The following TIAM1 variants were observed in gnomAD, a reference collection of about 807,000 sequenced individuals.
The protein encoded by TIAM1 is rho guanine nucleotide exchange factor TIAM1.
In TIAM1, 65 loss-of-function variants were observed where a neutral mutation model predicts 163.5. The observed-to-expected ratio is 0.40, with a 90% confidence interval of 0.33 to 0.49. The LOEUF is 0.49. Ranked by LOEUF, TIAM1 falls within the 20% of genes least tolerant of loss-of-function variation. The pLI, the probability that TIAM1 is intolerant of heterozygous loss-of-function variation, is 0.77. For synonymous variants in TIAM1, 833 were observed against 810.1 expected (o/e 1.03, Z -0.48); for missense variants, 1,789 against 2,044.7 (o/e 0.87, Z 2.41).
intron 2 of TIAM1, among the ~76,000 whole-genome samples, chr21:31,303,810 T>C (rs1451010095): frequency 6.6e-6 from 1 of 151,968 alleles, no homozygotes; most frequent in Non-Finnish European, 1.5e-5. Flanking sequence ...AAACCTTGTC[T>C]CTACTAAAAA....
intron 2 of TIAM1, among the ~76,000 whole-genome samples, chr21:31,305,426 A>T (rs1437101759): frequency 2.0e-5 from 3 of 152,094 alleles, no homozygotes; most frequent in Admixed American, 1.3e-4. Flanking sequence ...TAAAAATAAA[A>T]AAAAAAAAAA....
chr21:31,280,747 C>T (rs1048885940), intron 2 of TIAM1, among the ~76,000 whole-genome samples: 55 of 149,544 alleles, frequency 3.7e-4, no homozygotes, highest in Non-Finnish European at 2.8e-4. Flanking sequence ...GCATTTAATC[C>T]TTGGCTTTTC....
At chr21:31,429,453 A>G (rs1388012603) in intron 2 of TIAM1, among the ~76,000 whole-genome samples, 2 of 152,218 alleles carry the variant, frequency 1.3e-5, no homozygotes, top group African/African-American at 4.8e-5. Context: ...GAAAAAAAAG[A>G]CATCCACTGC....
At chr21:31,122,064 G>C (rs187725241) in intron 27 of TIAM1, among the ~76,000 whole-genome samples, 1 of 152,206 alleles carries the variant, frequency 6.6e-6, no homozygotes, top group Non-Finnish European at 1.5e-5. Flanking sequence ...CCTTGACTTC[G>C]AACCCAGCAG....
intron 2 of TIAM1, among the ~76,000 whole-genome samples, chr21:31,427,642 C>T (rs758080104): frequency 2.0e-5 from 3 of 151,712 alleles, no homozygotes; most frequent in South Asian, 2.1e-4. Flanking sequence ...GGCATCATAA[C>T]GAGACCTCAT....
chr21:31,258,057 GC>G (rs1404328855), intron 4 of TIAM1, among the ~76,000 whole-genome samples: 2 of 148,172 alleles, frequency 1.3e-5, no homozygotes, highest in Non-Finnish European at 3.0e-5. Flanking sequence ...GTCAGAAATT[GC>G]CCCCCACATC....
chr21:31,126,838 G>A (rs1278058415), intron 26 of TIAM1, among the ~76,000 whole-genome samples: 1 of 152,104 alleles, frequency 6.6e-6, no homozygotes, highest in African/African-American at 2.4e-5. Context: ...CTCAAGACGT[G>A]CAGGTGATCA....
chr21:31,339,702 G>C lies in TIAM1; in HGVS notation c.-368-280C>G, dbSNP rs140025936. ...TCTCATAGTTAATGGAAACACTGAA[G>C]CATGTGGCTGCAAGGTACTAGAGGA... On this transcript the variant is annotated intron_variant, in intron 1 of 27. Coordinates refer to ENST00000541036, the MANE Select transcript of TIAM1 (RefSeq NM_001353694.2). Among the ~76,000 whole-genome samples the C allele has an allele frequency of 4.4e-3, 671 of 152,268 alleles. 4 individuals carry two copies. The highest frequency in any genetic ancestry group is 0.015 in the African/African-American group (629 of 41,540).
chr21:31,130,706 T>G (rs935897959), intron 24 of TIAM1, among the ~76,000 whole-genome samples, 184 bp downstream of exon 24: 5 of 152,170 alleles, frequency 3.3e-5, no homozygotes, highest in African/African-American at 1.2e-4. Flanking sequence ...ATGTTTGTGC[T>G]CTAAACATAA....
chr21:31,124,268 C>A, intron 27 of TIAM1: 1 of 379,294 alleles, frequency 2.6e-6, no homozygotes, highest in Non-Finnish European at 4.6e-6. Context: ...GAGGAGCTCA[C>A]CAGCCAAAAG....
At chr21:31,198,412 G>A (rs1006223612) in intron 12 of TIAM1, among the ~76,000 whole-genome samples, 1 of 152,166 alleles carries the variant, frequency 6.6e-6, no homozygotes, top group Non-Finnish European at 1.5e-5. Flanking sequence ...AATGCAACGT[G>A]TCAAGGGCAT....
chr21:31,371,144 G>C (rs1210447597), intron 2 of TIAM1, among the ~76,000 whole-genome samples: 2 of 152,208 alleles, frequency 1.3e-5, no homozygotes, highest in Non-Finnish European at 2.9e-5. Flanking sequence ...AAGAGTTTTA[G>C]TTTATATTAC....
intron 2 of TIAM1, among the ~76,000 whole-genome samples, chr21:31,287,624 G>A (rs1313546838): frequency 2.0e-5 from 3 of 152,142 alleles, no homozygotes; most frequent in African/African-American, 7.2e-5. Flanking sequence ...CAAAGAGAAG[G>A]ACAGAAATTT....
At chr21:31,267,081 C>G in intron 3 of TIAM1, 98 bp from the exon 4 acceptor site, 1 of 1,477,106 alleles carries the variant, frequency 6.8e-7, no homozygotes, top group Non-Finnish European at 9.0e-7. Flanking sequence ...GGGCAGAACA[C>G]CTTGGCTCAC....
At chr21:31,430,166 A>G (rs1054931121) in intron 2 of TIAM1, among the ~76,000 whole-genome samples, 1 of 148,696 alleles carries the variant, frequency 6.7e-6, no homozygotes, top group Admixed American at 6.8e-5. Context: ...AGGTCGCGCC[A>G]TTGCACTCCA....
At chr21:31,531,095 C>T (rs2047954032) in intron 1 of TIAM1, among the ~76,000 whole-genome samples, 1 of 152,162 alleles carries the variant, frequency 6.6e-6, no homozygotes, top group South Asian at 2.1e-4. Flanking sequence ...GTTTTCCCAA[C>T]GTCCTCTCTG....
chr21:31,208,806 ATAG>A (rs1404598510), intron 11 of TIAM1, among the ~76,000 whole-genome samples: 2 of 152,324 alleles, frequency 1.3e-5, no homozygotes, highest in South Asian at 2.1e-4. Flanking sequence ...AAAATTGCTG[ATAG>A]TAGAACTACA....
At chr21:31,371,806 A>G (rs1180130056) in intron 2 of TIAM1, among the ~76,000 whole-genome samples, 1 of 152,162 alleles carries the variant, frequency 6.6e-6, no homozygotes, top group Non-Finnish European at 1.5e-5. Flanking sequence ...AGGTTCTCTG[A>G]AGACTCTTTT....
At chr21:31,371,069 C>A (rs1426676140) in intron 2 of TIAM1, among the ~76,000 whole-genome samples, 1 of 152,194 alleles carries the variant, frequency 6.6e-6, no homozygotes, top group Admixed American at 6.5e-5. Context: ...AGCCCAGACT[C>A]CTAGAGCTTT....
Sources: allele counts gnomAD v4.1 joint callset (sites outside exome capture counted in the v4.1 genomes callset), GRCh38; gene constraint gnomAD v4.1.1; transcripts MANE v1.5; gene names NCBI Gene and HGNC (gene_info 2026-07-23, HGNC 2026-07-21).